The following NFIB variants were observed in gnomAD, a reference collection of about 807,000 sequenced individuals.
NFIB encodes nuclear factor 1 B-type.
Under a neutral mutation model 61.5 loss-of-function variants are expected in NFIB, and 11 were observed. The ratio of observed to expected loss-of-function variants is 0.18; its 90% confidence interval spans 0.11 to 0.30. The LOEUF (loss-of-function observed/expected upper bound fraction) is 0.30, where lower values mean the gene tolerates loss of function less well. Among genes scored for constraint, NFIB ranks in the 10% least tolerant of loss-of-function variants. The probability of loss-of-function intolerance (pLI) is 1.00; values close to 1 mark genes in which losing one functional copy is unlikely to be tolerated. For synonymous variants in NFIB, 260 were observed against 216.5 expected (o/e 1.20, Z -1.76); for missense variants, 471 against 608.9 (o/e 0.77, Z 2.38).
chr9:14,167,110 A>G (rs2044928514), intron 3 of NFIB, among the ~76,000 whole-genome samples: 1 of 147,692 alleles, frequency 6.8e-6, no homozygotes, highest in African/African-American at 2.5e-5. Context: ...CCTTTTTAAC[A>G]TATTCAGTAA....
chr9:14,121,415 T>A (rs1282695246), intron 7 of NFIB, among the ~76,000 whole-genome samples: 1 of 152,160 alleles, frequency 6.6e-6, no homozygotes, highest in Admixed American at 6.5e-5. Context: ...AAAACAAAAG[T>A]GAAATTCAAT....
chr9:14,408,234 T>C, the NFIB span, among the ~76,000 whole-genome samples: 1 of 152,206 alleles, frequency 6.6e-6, no homozygotes. Context: ...TGGAAGATCA[T>C]TAAGAGTCTA....
chr9:14,300,155 C>A (rs2059672153), intron 2 of NFIB: 1 of 398,268 alleles, frequency 2.5e-6, no homozygotes, highest in Non-Finnish European at 4.4e-6. Context: ...TTCAAGGTCC[C>A]AAGAATTTAC....
the NFIB span, among the ~76,000 whole-genome samples, chr9:14,421,008 T>C: frequency 6.6e-6 from 1 of 151,730 alleles, no homozygotes. Flanking sequence ...ATTGCATTGG[T>C]TTCTTTTTCA....
intron 2 of NFIB, among the ~76,000 whole-genome samples, chr9:14,237,497 C>A (rs1471356049): frequency 6.6e-6 from 1 of 152,082 alleles, no homozygotes; most frequent in Non-Finnish European, 1.5e-5. Flanking sequence ...TGTCTATGTA[C>A]CTTCTCATTA....
At chr9:14,210,116 C>A (rs373326125) in intron 2 of NFIB, among the ~76,000 whole-genome samples, 2 of 152,144 alleles carry the variant, frequency 1.3e-5, no homozygotes, top group East Asian at 3.9e-4. Context: ...CACATCTCCC[C>A]AAAGCTTTAC....
chr9:14,504,656 G>C, the NFIB span, among the ~76,000 whole-genome samples: 1 of 152,276 alleles, frequency 6.6e-6, no homozygotes, highest in South Asian at 2.1e-4. Context: ...GTATAGCAGA[G>C]CTACTGATTT....
Position 14,082,228 on chromosome 9 carries a change from A to G in NFIB, c.*6081T>C, listed in dbSNP as rs2032059844. On this transcript the variant is annotated 3_prime_UTR_variant, in exon 11 of 11. Transcript: ENST00000380953. The stretch of plus-strand genomic sequence containing the variant: ...CCTCCTTTTGTAAAAAAATTTAATT[A>G]AAATACAAGGTTCTGTATTTATGGC... The G allele has an allele frequency of 4.9e-6, 1 of 204,284 alleles. No individual in the cohort carries two copies. Among genetic ancestry groups the G allele is most frequent in the Non-Finnish European group, 1.0e-5 (1 of 99,454 alleles). The allele number at this position is 204,284 out of a possible 1,614,324, so 12.7% of individuals were successfully genotyped here. A position where few individuals can be genotyped will look rare whatever the true frequency, so the allele number is the denominator to read the frequency against.
intron 1 of NFIB, among the ~76,000 whole-genome samples, chr9:14,380,136 G>C (rs1307781168): frequency 6.6e-6 from 1 of 152,104 alleles, no homozygotes; most frequent in East Asian, 1.9e-4. Flanking sequence ...CCAATAAATA[G>C]ACTCACCTCT....
chr9:14,398,128 T>C (rs2061706030), intron 1 of NFIB, among the ~76,000 whole-genome samples: 1 of 152,116 alleles, frequency 6.6e-6, no homozygotes, highest in Admixed American at 6.6e-5. Context: ...GGTAAAATAG[T>C]AGAGGTATAA....
chr9:14,307,606 C>T lies in NFIB; in HGVS notation c.31-86G>A. ...AAAAATAAGAAAAGAAGACCACAAC[C>T]CGTTTCCAATTCAGTACAAAAAGTT... On this transcript the variant is annotated intron_variant, in intron 1 of 10. Transcript: ENST00000380953. This position sits in a 1 kb window ranked among gnomAD's most constrained non-coding sequence, Gnocchi z 5.3. The T allele has an allele frequency of 7.6e-7, 1 of 1,308,820 alleles. No individual in the cohort carries two copies. The highest frequency in any genetic ancestry group is 1.0e-6 in the Non-Finnish European group (1 of 978,280). 81.1% of individuals were successfully genotyped at this position (1,308,820 alleles called of 1,614,324 possible).
At chr9:14,197,732 C>T (rs2048612564) in intron 2 of NFIB, among the ~76,000 whole-genome samples, 1 of 152,074 alleles carries the variant, frequency 6.6e-6, no homozygotes, top group Non-Finnish European at 1.5e-5. Flanking sequence ...TTAGCTGTGT[C>T]AGAAAGTCAG....
At chr9:14,450,213 T>C in the NFIB span, among the ~76,000 whole-genome samples, 1 of 152,130 alleles carries the variant, frequency 6.6e-6, no homozygotes, top group Non-Finnish European at 1.5e-5. Flanking sequence ...AGTGACAACA[T>C]GCGGTGTTTG....
At chr9:14,134,090 A>G (rs1372746524) in intron 6 of NFIB, among the ~76,000 whole-genome samples, 1 of 152,194 alleles carries the variant, frequency 6.6e-6, no homozygotes, top group Non-Finnish European at 1.5e-5. Context: ...TAAAATTCAA[A>G]TGATAAAAAA....
chr9:14,101,023 T>A (rs2035702521), intron 10 of NFIB, among the ~76,000 whole-genome samples: 1 of 152,228 alleles, frequency 6.6e-6, no homozygotes, highest in South Asian at 2.1e-4. Flanking sequence ...TTACCTTTTA[T>A]TAAATAACAT....
At chr9:14,399,341 G>C (rs144296314), upstream of NFIB, among the ~76,000 whole-genome samples, 416 of 152,298 alleles carry the variant, frequency 2.7e-3, no homozygotes, top group Middle Eastern at 0.014. Flanking sequence ...CAAGTCTTCT[G>C]AAATTATCTT....
chr9:14,186,768 T>A (rs762970906), intron 2 of NFIB, among the ~76,000 whole-genome samples: 1 of 152,068 alleles, frequency 6.6e-6, no homozygotes, highest in Non-Finnish European at 1.5e-5. Flanking sequence ...TTTGGCTTTT[T>A]TTTTTCCAGC....
chr9:14,210,811 C>A (rs1406264077), intron 2 of NFIB, among the ~76,000 whole-genome samples: 1 of 152,140 alleles, frequency 6.6e-6, no homozygotes, highest in African/African-American at 2.4e-5. Flanking sequence ...TGTAAACATT[C>A]ATCACTGAGT....
At chr9:14,097,779 G>T (rs1052433605) in intron 10 of NFIB, among the ~76,000 whole-genome samples, 9 of 151,646 alleles carry the variant, frequency 5.9e-5, no homozygotes, top group African/African-American at 2.2e-4. Flanking sequence ...AACAAAGCAA[G>T]GAAAATGGCT....
Sources: allele counts gnomAD v4.1 joint callset (sites outside exome capture counted in the v4.1 genomes callset), GRCh38; gene constraint gnomAD v4.1.1; non-coding constraint Gnocchi (gnomAD v3.1); transcripts MANE v1.5; gene names NCBI Gene and HGNC (gene_info 2026-07-23, HGNC 2026-07-21).